MAST2: variants seen among roughly 807,000 people sequenced by gnomAD.
MAST2 encodes the protein microtubule-associated serine/threonine-protein kinase 2.
Under a neutral mutation model 147.4 loss-of-function variants are expected in MAST2, and 70 were observed. The observed-to-expected ratio is 0.47, with a 90% CI of 0.39 to 0.58. The LOEUF is 0.58. Ranked by LOEUF, MAST2 falls within the 20% of genes least tolerant of loss-of-function variation. The probability of loss-of-function intolerance (pLI) is 0.00; values close to 1 mark genes in which losing one functional copy is unlikely to be tolerated. For missense variants in MAST2, 2,080 were observed against 2,302.3 expected, an observed-to-expected ratio of 0.90 and a Z score of 1.98; for synonymous variants, 869 against 896.8, an observed-to-expected ratio of 0.97 and a Z score of 0.55.
chr1:46,032,039 C>CA, intron 24 of MAST2, 139 bp from the exon 25 acceptor site: 1 of 680,600 alleles, frequency 1.5e-6, no homozygotes, highest in Non-Finnish European at 2.6e-6. Flanking sequence ...GAGAGGGCTT[C>CA]ACAGGTCAGG....
chr1:46,036,009 C>G lies in MAST2; in HGVS notation c.5340C>G (p.Gly1780=). The part of the protein sequence containing the change: ...PSLRRGQEPG[G]HQKHRDLALV... Reference sequence around the variant, plus strand: ...TCAGGAGGGGCCAAGAACCAGGGGGCCATCAAAAGCATCGGGATTTGGCAT... The same window carrying G: ...TCAGGAGGGGCCAAGAACCAGGGGGGCATCAAAAGCATCGGGATTTGGCAT... Residue 1780 remains glycine, a synonymous_variant, in exon 29 of 29, where the codon GGC becomes GGG. Transcript: ENST00000361297. The G allele has an allele frequency of 6.2e-7, 1 of 1,613,222 alleles. No homozygotes were observed. Among genetic ancestry groups the G allele is most frequent in the Non-Finnish European group, 8.5e-7 (1 of 1,179,860 alleles).
At position 46,035,756 on chromosome 1, in the gene MAST2, AC is replaced by A; in HGVS notation, c.5089del (p.Leu1697CysfsTer39). On this transcript the variant is annotated frameshift_variant, in exon 29 of 29. Coordinates refer to ENST00000361297, the MANE Select transcript of MAST2 (RefSeq NM_015112.3). LOFTEE classifies it low-confidence loss of function (END_TRUNC). The surrounding 1 kb of genome is among the most constrained non-coding windows in gnomAD (Gnocchi z 5.5). ...LENTTPAQPK[N>X]LSPREQGKTQ... is the part of the protein sequence containing the mutation. ...AACACAACTCCAGCCCAGCCTAAGA[AC>A]CTGTCTCCCAGGGAGCAGGGGAAGA... 6.2e-7 allele frequency: 1 copy of A among 1,613,984 alleles called. No homozygotes were observed. Among genetic ancestry groups the A allele is most frequent in the Non-Finnish European group, 8.5e-7 (1 of 1,180,004 alleles).
In MAST2 at chr1:46,036,022, C is replaced by G. The variant is rs201013993; in HGVS notation, c.5353C>G (p.Arg1785Gly). Residue 1785 changes from arginine (R) to glycine (G), a missense_variant, in exon 29 of 29, where the codon CGG becomes GGG. Arg to Gly is a moderately radical substitution (Grantham distance 125). This residue lies in a region of MAST2 where 1,278 missense variants were observed against 1,304.2 expected (regional missense o/e 0.98). Transcript: ENST00000361297. ...AGAACCAGGGGGCCATCAAAAGCAT[C>G]GGGATTTGGCATTGGTTCCAGATGA... ...GQEPGGHQKH[R>G]DLALVPDELL... 1.2e-6 allele frequency: 2 copies of G among 1,612,888 alleles called. No homozygotes were observed. Among genetic ancestry groups the G allele is most frequent in the Admixed American group, 1.7e-5 (1 of 59,936 alleles).
At chr1:45,949,625 G>A (rs1031720832) in intron 4 of MAST2, among the ~76,000 whole-genome samples, 1 of 152,306 alleles carries the variant, frequency 6.6e-6, no homozygotes, top group South Asian at 2.1e-4. Flanking sequence ...TGGTGGGAGT[G>A]TAATTTAGTT....
chr1:46,002,761 G>A, intron 6 of MAST2, 44 bp from the exon 7 acceptor site: 2 of 1,567,422 alleles, frequency 1.3e-6, no homozygotes, highest in Non-Finnish European at 1.8e-6. Flanking sequence ...GTGGGTCAGG[G>A]TGTAGTCCTG....
chr1:45,940,033 G>C (rs1443025129), intron 4 of MAST2, among the ~76,000 whole-genome samples: 1 of 98,574 alleles, frequency 1.0e-5, no homozygotes, highest in Non-Finnish European at 1.9e-5. Flanking sequence ...GCCCAGGCTG[G>C]AGTGCTGTGG....
In MAST2 at chr1:46,023,051, TATCTG is replaced by T. The variant is rs1252354440; in HGVS notation, c.1485+82_1485+86del. 1 of 1,413,232 alleles carries T rather than the reference TATCTG, an allele frequency of 7.1e-7. No homozygotes were observed. Among genetic ancestry groups the T allele is most frequent in the Non-Finnish European group, 1.0e-6 (1 of 1,002,908 alleles). The allele number at this position is 1,413,232 out of a possible 1,614,324, so 87.5% of individuals were successfully genotyped here. On this transcript the variant is annotated intron_variant, in intron 13 of 28. Transcript: ENST00000361297. The surrounding 1 kb of genome is among the most constrained non-coding windows in gnomAD (Gnocchi z 4.9). ...GAGCTATGAATTCTCTTTAAGAGAA[TATCTG>T]AGGAAGGGATGGGGGAGTTGGTGAC...
At chr1:45,817,533 G>A (rs895235871) in intron 1 of MAST2, among the ~76,000 whole-genome samples, 5 of 152,134 alleles carry the variant, frequency 3.3e-5, no homozygotes, top group Non-Finnish European at 7.3e-5. Flanking sequence ...CAGAGAAGTC[G>A]AGTAATTTCA....
At chr1:45,940,071 C>G (rs2148791728) in intron 4 of MAST2, among the ~76,000 whole-genome samples, 1 of 142,240 alleles carries the variant, frequency 7.0e-6, no homozygotes, top group East Asian at 2.2e-4. Flanking sequence ...GCAGCATCCA[C>G]ACCACCCCCA....
At chr1:45,999,727 C>G (rs1292386027) in intron 6 of MAST2, among the ~76,000 whole-genome samples, 1 of 152,236 alleles carries the variant, frequency 6.6e-6, no homozygotes, top group East Asian at 1.9e-4. Context: ...GTCACCTCCT[C>G]AGAGAGGCCT....
chr1:46,028,913 T>A lies in MAST2; in HGVS notation c.2198T>A (p.Leu733His). The A allele has an allele frequency of 6.2e-7, 1 of 1,600,806 alleles. No homozygotes were observed. Among genetic ancestry groups the A allele is most frequent in the Non-Finnish European group, 8.5e-7 (1 of 1,174,116 alleles). ...VPFFGDTPEE[L>H]FGQVISDEIV... ...TTTTTTGGAGATACTCCGGAGGAGC[T>A]CTTTGGGCAGGTGATCAGTGGTAGG... is the stretch of plus-strand genomic sequence containing the variant. Residue 733 changes from leucine to histidine, a missense_variant, in exon 18 of 29, where the codon CTC (leucine) becomes CAC (histidine). By Grantham distance (99) the Leu-to-His change is moderately conservative. Transcript: ENST00000361297.
intron 4 of MAST2, among the ~76,000 whole-genome samples, chr1:45,951,200 G>A (rs1429144565): frequency 1.3e-5 from 2 of 152,152 alleles, no homozygotes; most frequent in African/African-American, 4.8e-5. Context: ...TAGCCTGGAT[G>A]ACAGAGTGAG....
intron 4 of MAST2, among the ~76,000 whole-genome samples, chr1:45,902,213 A>G (rs1040557786): frequency 5.9e-5 from 9 of 152,142 alleles, no homozygotes; most frequent in African/African-American, 2.2e-4. Context: ...ATTTTATCAG[A>G]TGCTTTTTCT....
At chr1:45,949,451 C>G (rs968080235) in intron 4 of MAST2, among the ~76,000 whole-genome samples, 2 of 152,136 alleles carry the variant, frequency 1.3e-5, no homozygotes, top group African/African-American at 4.8e-5. Context: ...ATGCGACCAA[C>G]AAGCATAAGA....
chr1:45,921,471 G>T (rs1419929535), intron 4 of MAST2, among the ~76,000 whole-genome samples: 1 of 152,098 alleles, frequency 6.6e-6, no homozygotes, highest in Non-Finnish European at 1.5e-5. Context: ...TGGATCCCAT[G>T]CCTCCAAAGA....
At chr1:45,831,508 C>T (rs1367524054) in intron 3 of MAST2, among the ~76,000 whole-genome samples, 1 of 152,008 alleles carries the variant, frequency 6.6e-6, no homozygotes, top group East Asian at 1.9e-4. Context: ...AAAATTCCTA[C>T]CTCCTTAATT....
chr1:45,908,010 A>G (rs1481169522), intron 4 of MAST2, among the ~76,000 whole-genome samples: 1 of 151,642 alleles, frequency 6.6e-6, no homozygotes, highest in Admixed American at 6.6e-5. Context: ...CTCATCTTTT[A>G]TTTCTGATAT....
At position 45,888,663 on chromosome 1, in the gene MAST2, C is replaced by CTTTTTTTTTTTTTTTT. The variant is rs71587722; in HGVS notation, c.500+6289_500+6304dup. Among the ~76,000 whole-genome samples the CTTTTTTTTTTTTTTTT allele has an allele frequency of 8.6e-4, 42 of 48,720 alleles. 7 individuals are homozygous for CTTTTTTTTTTTTTTTT. The highest frequency in any genetic ancestry group is 1.1e-3 in the Non-Finnish European group (29 of 25,762). 32.0% of individuals were successfully genotyped at this position (48,720 alleles called of 152,430 possible). A position where few individuals can be genotyped will look rare whatever the true frequency, so the allele number is the denominator to read the frequency against. On this transcript the variant is annotated intron_variant, in intron 4 of 28. Coordinates refer to ENST00000361297, the MANE Select transcript of MAST2 (RefSeq NM_015112.3). ...AGGCGTGAGCCACCGCGCGCGGCCT[C>CTTTTTTTTTTTTTTTT]TTTTTTTTTTTTTTTTTTTTTTTTT... is the stretch of plus-strand genomic sequence containing the variant.
chr1:45,882,544 A>G (rs893434640), intron 4 of MAST2, 149 bp downstream of exon 4: 13 of 602,812 alleles, frequency 2.2e-5, no homozygotes, highest in Non-Finnish European at 3.5e-5. Flanking sequence ...CCAGCAGGCC[A>G]ACTGACTTCT....
Sources: allele counts gnomAD v4.1 joint callset (sites outside exome capture counted in the v4.1 genomes callset), GRCh38; gene constraint gnomAD v4.1.1; regional missense constraint gnomAD v4.1.1; non-coding constraint Gnocchi (gnomAD v3.1); transcripts MANE v1.5; gene names NCBI Gene and HGNC (gene_info 2026-07-23, HGNC 2026-07-21).